Variants in UBA3 observed in about 807,000 individuals in gnomAD.
The protein encoded by UBA3 is ubiquitin like modifier activating enzyme 3.
Under a neutral mutation model 73.5 loss-of-function variants are expected in UBA3, and 26 were observed. The observed-to-expected ratio is 0.35, with a 90% CI of 0.26 to 0.49. The LOEUF is 0.49. UBA3 is among the 20% of genes least tolerant of loss of function. The pLI is 0.98. For missense variants in UBA3, 495 were observed against 555.6 expected (o/e 0.89, Z 1.10); for synonymous variants, 217 against 191.2 (o/e 1.13, Z -1.11).
chr3:69,064,533 C>T (rs1332054509), intron 6 of UBA3, among the ~76,000 whole-genome samples: 1 of 152,232 alleles, frequency 6.6e-6, no homozygotes, highest in East Asian at 1.9e-4. Flanking sequence ...TTAAGAGTTA[C>T]TGCAAAGCTC....
intron 11 of UBA3, among the ~76,000 whole-genome samples, chr3:69,057,928 T>TC (rs968353848): frequency 6.2e-5 from 9 of 144,508 alleles, no homozygotes; most frequent in Admixed American, 6.9e-5. Flanking sequence ...ATTTTTCTTT[T>TC]TTTTTTTTTT....
In UBA3 at chr3:69,062,165, C is replaced by T; in HGVS notation, c.708G>A (p.Met236Ile). Residue 236 changes from methionine to isoleucine, a missense_variant, in exon 10 of 18, where the codon ATG becomes ATA. Met to Ile is a conservative substitution (Grantham distance 10). Transcript: ENST00000361055. ...ELYPPQVNFP[M>I]CTIASMPRLP... ...GCCTGGGCATAGATGCAATGGTGCA[C>T]ATGGGAAAATTAACCTAAAACCACA... 6.2e-7 allele frequency: 1 copy of T among 1,611,724 alleles called. No individual in the cohort carries two copies. The highest frequency in any genetic ancestry group is 8.5e-7 in the Non-Finnish European group (1 of 1,178,556).
chr3:69,064,217 T>A, intron 6 of UBA3, 106 bp from the exon 7 acceptor site: 1 of 852,502 alleles, frequency 1.2e-6, no homozygotes, highest in Non-Finnish European at 1.8e-6. Flanking sequence ...AAGAAATAAG[T>A]AATCAATGTT....
intron 5 of UBA3, among the ~76,000 whole-genome samples, chr3:69,068,575 C>T (rs1837182): frequency 0.95 from 140,888 of 148,806 alleles, 66,780 homozygotes; most frequent in East Asian, 1. Flanking sequence ...GCTGTAACCA[C>T]GTTTTTTTCT....
At chr3:69,080,207 G>A in intron 1 of UBA3, 54 bp from the exon 2 acceptor site, 1 of 1,569,868 alleles carries the variant, frequency 6.4e-7, no homozygotes, top group Non-Finnish European at 8.7e-7. Context: ...TGGGCGCCGC[G>A]AGGGGAGGGG....
At chr3:69,071,686 A>C in intron 4 of UBA3, 69 bp from the exon 5 acceptor site, 1 of 980,002 alleles carries the variant, frequency 1.0e-6, no homozygotes, top group South Asian at 1.7e-5. Flanking sequence ...ATTTGTTTTC[A>C]ATGTAGTCTT....
At position 69,071,637 on chromosome 3, in the gene UBA3, C is replaced by A. The variant is rs529568260; in HGVS notation, c.265-20G>T. On this transcript the variant is annotated intron_variant, in intron 4 of 17. Transcript: ENST00000361055. ...CAAGGCCTGTGGGAATAAAAACAAT[C>A]CAATTAAGCAGAAGTTTCCTCACAT... The A allele has an allele frequency of 2.1e-6, 3 of 1,442,962 alleles. No individual in the cohort carries two copies. The African/African-American group carries it at 4.4e-5, about 21-fold the overall frequency. The allele number at this position is 1,442,962 out of a possible 1,614,324, so 89.4% of individuals were successfully genotyped here.
chr3:69,055,796 AC>A (rs1447857070), intron 17 of UBA3, 54 bp downstream of exon 17: 18 of 1,533,872 alleles, frequency 1.2e-5, no homozygotes, highest in Non-Finnish European at 1.6e-5. Context: ...GATTACTTTC[AC>A]CAAAAAGAGA....
At chr3:69,067,040 A>G (rs1190382259) in intron 6 of UBA3, among the ~76,000 whole-genome samples, 1 of 152,182 alleles carries the variant, frequency 6.6e-6, no homozygotes, top group East Asian at 1.9e-4. Context: ...TTTCTTTTTC[A>G]GATTTGTAGT....
intron 2 of UBA3, 181 bp downstream of exon 2, chr3:69,079,931 C>T (rs1231621320): frequency 1.9e-5 from 11 of 564,814 alleles, no homozygotes; most frequent in African/African-American, 2.0e-5. Context: ...GGGCAGATAC[C>T]GGGAGCGGCC....
chr3:69,067,646 T>C (rs1047487841), intron 6 of UBA3, among the ~76,000 whole-genome samples: 1 of 152,152 alleles, frequency 6.6e-6, no homozygotes, highest in Non-Finnish European at 1.5e-5. Context: ...AGATATGTAA[T>C]TGATACTGAA....
chr3:69,061,331 G>T (rs2107484863), intron 11 of UBA3, among the ~76,000 whole-genome samples: 1 of 152,328 alleles, frequency 6.6e-6, no homozygotes, highest in East Asian at 1.9e-4. Flanking sequence ...GAGTAGCTGG[G>T]ATTACAGGCA....
intron 6 of UBA3, among the ~76,000 whole-genome samples, chr3:69,067,400 C>A (rs1358646253): frequency 6.6e-6 from 1 of 152,168 alleles, no homozygotes; most frequent in Non-Finnish European, 1.5e-5. Context: ...TTCTGTGGGA[C>A]TTTCTACATA....
At chr3:69,058,362 TCA>T (rs1246582078) in intron 11 of UBA3, among the ~76,000 whole-genome samples, 1 of 152,208 alleles carries the variant, frequency 6.6e-6, no homozygotes, top group Non-Finnish European at 1.5e-5. Flanking sequence ...CCATTTTATC[TCA>T]CAGTGTGAGG....
intron 9 of UBA3, 41 bp downstream of exon 9, chr3:69,062,941 C>A (rs146561403): frequency 6.2e-7 from 1 of 1,607,502 alleles, no homozygotes. Flanking sequence ...TAATTCCATG[C>A]CAAGATACTA....
At chr3:69,075,204 T>C (rs2107499989) in intron 4 of UBA3, 1 of 195,818 alleles carries the variant, frequency 5.1e-6, no homozygotes, top group East Asian at 1.2e-4. Context: ...AAAACTGAAG[T>C]ATGAAATTTT....
At chr3:69,068,669 G>A (rs963054147) in intron 5 of UBA3, among the ~76,000 whole-genome samples, 10 of 151,684 alleles carry the variant, frequency 6.6e-5, no homozygotes, top group African/African-American at 1.2e-4. Flanking sequence ...TGCAACCTCC[G>A]CCTCCCAGGT....
Position 69,056,788 on chromosome 3 carries a change from A to C in UBA3, c.992T>G (p.Ile331Arg). The C allele has an allele frequency of 6.2e-7, 1 of 1,613,146 alleles. No individual in the cohort carries two copies. The part of the protein sequence containing the change: ...AAVCATEVFK[I>R]ATSAYIPLNN... ...AAATGAAACCTATTACCTTGTGGCT[A>C]TTTTAAAAACCTCAGTGGCACACAC... The change falls in exon 13 of 18, where the codon ATA (isoleucine) becomes AGA (arginine). Residue 331 changes from isoleucine (I) to arginine (R), a missense_variant. Ile to Arg is a moderately conservative substitution (Grantham distance 97). Coordinates refer to ENST00000361055, the MANE Select transcript of UBA3 (RefSeq NM_003968.4).
At chr3:69,059,124 T>C (rs939468383) in intron 11 of UBA3, among the ~76,000 whole-genome samples, 1 of 152,204 alleles carries the variant, frequency 6.6e-6, no homozygotes, top group African/African-American at 2.4e-5. Flanking sequence ...ATAGGGGAGA[T>C]AACACAAAAG....
Sources: gnomAD v4.1 joint callset for allele counts (sites outside exome capture counted in the v4.1 genomes callset) on GRCh38, gnomAD v4.1.1 for gene constraint, MANE v1.5 for transcripts, NCBI Gene and HGNC (gene_info 2026-07-23, HGNC 2026-07-21) for gene names.